The following SPATA13 variants were observed in gnomAD, a reference collection of about 807,000 sequenced individuals.
The protein encoded by SPATA13 is spermatogenesis-associated protein 13.
Under a neutral mutation model 104.0 loss-of-function variants are expected in SPATA13, and 50 were observed. The observed-to-expected ratio is 0.48, with a 90% CI of 0.38 to 0.61. The LOEUF is 0.61. Among genes scored for constraint, SPATA13 ranks in the 20% least tolerant of loss-of-function variants. SPATA13 has a pLI of 0.00. For missense variants in SPATA13, 1,524 were observed against 1,690.6 expected, an observed-to-expected ratio of 0.90 and a Z score of 1.73; for synonymous variants, 606 against 667.5, an observed-to-expected ratio of 0.91 and a Z score of 1.42.
intron 3 of SPATA13, among the ~76,000 whole-genome samples, chr13:24,070,038 A>G (rs1399465077): frequency 6.6e-6 from 1 of 152,236 alleles, no homozygotes; most frequent in Admixed American, 6.5e-5. Flanking sequence ...GCTAGGCAGC[A>G]TGGACATTTG....
intron 9 of SPATA13, 41 bp downstream of exon 9, chr13:24,290,925 GCCATTAC>G: frequency 6.6e-7 from 1 of 1,520,420 alleles, no homozygotes; most frequent in Non-Finnish European, 9.1e-7. Flanking sequence ...GAGCACTGCT[GCCATTAC>G]CCGTAGGCAG....
chr13:24,071,015 T>C (rs1386397756), intron 3 of SPATA13, among the ~76,000 whole-genome samples: 1 of 152,234 alleles, frequency 6.6e-6, no homozygotes, highest in African/African-American at 2.4e-5. Flanking sequence ...TCTGTGTTAA[T>C]GTCTATATCT....
intron 9 of SPATA13, among the ~76,000 whole-genome samples, chr13:24,291,857 C>T (rs920555386): frequency 1.7e-4 from 26 of 150,818 alleles, no homozygotes; most frequent in Non-Finnish European, 3.4e-4. Context: ...CCCGGGTTCA[C>T]GCCATTCTCC....
At chr13:23,999,959 A>G (rs1875879982) in intron 2 of SPATA13, among the ~76,000 whole-genome samples, 1 of 152,232 alleles carries the variant, frequency 6.6e-6, no homozygotes, top group African/African-American at 2.4e-5. Flanking sequence ...GCCAGGCCTG[A>G]AAGACAAGCA....
chr13:24,296,826 G>A (rs1876816710), intron 10 of SPATA13, among the ~76,000 whole-genome samples: 1 of 151,964 alleles, frequency 6.6e-6, no homozygotes, highest in Non-Finnish European at 1.5e-5. Flanking sequence ...AGAAAAGGAA[G>A]AAATTTCAGG....
At chr13:24,245,121 G>T (rs928642548) in intron 2 of SPATA13, among the ~76,000 whole-genome samples, 23 of 152,122 alleles carry the variant, frequency 1.5e-4, no homozygotes, top group African/African-American at 5.6e-4. Context: ...TGGTGCATCC[G>T]TGGGCCCCGG....
chr13:23,997,936 A>G (rs1461099584), intron 2 of SPATA13, among the ~76,000 whole-genome samples: 1 of 152,070 alleles, frequency 6.6e-6, no homozygotes, highest in Non-Finnish European at 1.5e-5. Context: ...GACAAACTAT[A>G]TTGATAGTAT....
At chr13:24,285,568 A>G (rs111732630) in intron 5 of SPATA13, among the ~76,000 whole-genome samples, 204 of 143,502 alleles carry the variant, frequency 1.4e-3, no homozygotes, top group African/African-American at 5.1e-3. Flanking sequence ...CCCAGGCTGG[A>G]GTGCAGTGAT....
intron 3 of SPATA13, among the ~76,000 whole-genome samples, chr13:24,107,757 T>C (rs989055423): frequency 1.3e-5 from 2 of 152,188 alleles, no homozygotes; most frequent in African/African-American, 2.4e-5. Flanking sequence ...CAGCCTCTTC[T>C]CCTCTTTCTG....
At chr13:23,987,208 A>T (rs1401906332) in intron 2 of SPATA13, among the ~76,000 whole-genome samples, 1 of 152,148 alleles carries the variant, frequency 6.6e-6, no homozygotes, top group Admixed American at 6.5e-5. Context: ...CTTATTTAGC[A>T]GGTTTTCTTT....
chr13:23,994,658 A>C (rs1875590764), intron 2 of SPATA13, among the ~76,000 whole-genome samples: 1 of 152,234 alleles, frequency 6.6e-6, no homozygotes, highest in South Asian at 2.1e-4. Context: ...TGAGTAATGA[A>C]GGTGAGAAAA....
At chr13:24,107,835 A>T (rs1046721653) in intron 3 of SPATA13, among the ~76,000 whole-genome samples, 1 of 152,204 alleles carries the variant, frequency 6.6e-6, no homozygotes, top group African/African-American at 2.4e-5. Context: ...GGCACGTTAA[A>T]TCTAGGTGGT....
intron 3 of SPATA13, among the ~76,000 whole-genome samples, chr13:24,087,309 C>T (rs558314369): frequency 1.2e-4 from 18 of 152,290 alleles, no homozygotes; most frequent in South Asian, 4.1e-4. Flanking sequence ...CCCCTGCACA[C>T]TCTGCAAAGC....
At chr13:24,279,559 G>A (rs1266940924) in intron 4 of SPATA13, among the ~76,000 whole-genome samples, 1 of 152,200 alleles carries the variant, frequency 6.6e-6, no homozygotes, top group Non-Finnish European at 1.5e-5. Context: ...CCAGGCTTGA[G>A]TGGTGGCAGA....
chr13:24,052,899 A>C (rs1044634855), intron 3 of SPATA13, among the ~76,000 whole-genome samples: 5 of 64,726 alleles, frequency 7.7e-5, no homozygotes, highest in African/African-American at 2.9e-4. Flanking sequence ...TTCTGTGGAA[A>C]ATTGTTTCAC....
chr13:24,069,769 T>C (rs944399399), intron 3 of SPATA13, among the ~76,000 whole-genome samples: 3 of 152,242 alleles, frequency 2.0e-5, no homozygotes, highest in Admixed American at 6.5e-5. Context: ...TTTATTCTGT[T>C]ATTCATGTAA....
chr13:24,230,738 G>A (rs924184076), intron 2 of SPATA13, among the ~76,000 whole-genome samples: 6 of 152,124 alleles, frequency 3.9e-5, no homozygotes, highest in African/African-American at 1.4e-4. Context: ...AGCTGCAGAC[G>A]GCTTGCAGAA....
chr13:24,136,891 G>C (rs1218553176), intron 3 of SPATA13, among the ~76,000 whole-genome samples: 56 of 35,768 alleles, frequency 1.6e-3, no homozygotes, highest in Admixed American at 3.0e-3. Flanking sequence ...GTGCAGTGGC[G>C]GGATCTCGGC....
chr13:24,028,786 G>A (rs573611014), intron 3 of SPATA13, among the ~76,000 whole-genome samples: 12 of 152,160 alleles, frequency 7.9e-5, no homozygotes, highest in African/African-American at 2.9e-4. Flanking sequence ...TGTGTAATCT[G>A]CTATTTAACT....
Sources: allele counts gnomAD v4.1 joint callset (sites outside exome capture counted in the v4.1 genomes callset), GRCh38; gene constraint gnomAD v4.1.1; transcripts MANE v1.5; gene names NCBI Gene and HGNC (gene_info 2026-07-23, HGNC 2026-07-21).